Variants in ZFYVE27 observed in about 807,000 individuals in gnomAD.
The protein encoded by ZFYVE27 is protrudin.
A neutral mutation model predicts 52.8 loss-of-function variants in ZFYVE27; 36 were observed. The observed-to-expected ratio is 0.68, with a 90% CI of 0.52 to 0.90. ZFYVE27 has a LOEUF of 0.90. Among genes scored for constraint, ZFYVE27 ranks in the 40% least tolerant of loss-of-function variants. The probability of loss-of-function intolerance (pLI) is 0.00; values close to 1 mark genes in which losing one functional copy is unlikely to be tolerated. For missense variants in ZFYVE27, 450 were observed against 527.2 expected, an observed-to-expected ratio of 0.85 and a Z score of 1.43; for synonymous variants, 223 against 215.6, an observed-to-expected ratio of 1.03 and a Z score of -0.30.
Position 97,753,170 on chromosome 10 carries a change from A to G in ZFYVE27, c.1030A>G (p.Thr344Ala). Residue 344 changes from threonine to alanine, a missense_variant, in exon 10 of 13, where the codon ACC (threonine) becomes GCC (alanine). Coordinates refer to ENST00000684270, the MANE Select transcript of ZFYVE27 (RefSeq NM_001385875.1). ...LTERLRKRYP[T>A]NNFGNCTGCS... ...GGAGCGGCTCCGCAAGCGCTACCCC[A>G]CCAACAACTTCGGTGCGGCCAGGGG... 2 of 1,610,724 alleles carry G rather than the reference A, an allele frequency of 1.2e-6. No individual in the cohort carries two copies. The highest frequency in any genetic ancestry group is 1.7e-6 in the Non-Finnish European group (2 of 1,179,250).
At chr10:97,757,858 T>C in intron 12 of ZFYVE27, 135 bp downstream of exon 12, 1 of 778,732 alleles carries the variant, frequency 1.3e-6, no homozygotes, top group Non-Finnish European at 2.1e-6. Flanking sequence ...GTTTCCTCCA[T>C]CCCCTTTAGC....
intron 10 of ZFYVE27, chr10:97,754,945 C>T (rs2136307658): frequency 1.8e-6 from 1 of 548,638 alleles, no homozygotes; most frequent in East Asian, 1.5e-4. Flanking sequence ...AATGGTGGAG[C>T]TGTGACTCAA....
intron 11 of ZFYVE27, among the ~76,000 whole-genome samples, 153 bp from the exon 12 acceptor site, chr10:97,757,489 G>A (rs2048669668): frequency 6.6e-6 from 1 of 152,168 alleles, no homozygotes; most frequent in South Asian, 2.1e-4. Context: ...GCCTCCCCAG[G>A]GGGTATTCCA....
chr10:97,738,416 G>A, intron 1 of ZFYVE27, 61 bp from the exon 2 acceptor site: 1 of 1,581,094 alleles, frequency 6.3e-7, no homozygotes. Flanking sequence ...TGAATCTGTA[G>A]GTAGAATTGT....
At chr10:97,749,791 T>G (rs2136184989) in intron 6 of ZFYVE27, among the ~76,000 whole-genome samples, 1 of 152,342 alleles carries the variant, frequency 6.6e-6, no homozygotes, top group Admixed American at 6.5e-5. Flanking sequence ...CTGCTACCAT[T>G]GGGCTCCCAT....
At chr10:97,742,732 A>G (rs1239363350) in intron 2 of ZFYVE27, among the ~76,000 whole-genome samples, 1 of 152,234 alleles carries the variant, frequency 6.6e-6, no homozygotes, top group African/African-American at 2.4e-5. Flanking sequence ...AATTATAAAA[A>G]AAGAATAGAG....
rs562888541 is a variant in ZFYVE27 at position 97,737,930 on chromosome 10, C to T, written c.-1-547C>T. On this transcript the variant is annotated intron_variant, in intron 1 of 12. Transcript: ENST00000684270. ...CATTCAGCAGGCATTTGTTAAGCAC[C>T]CACTGTGTACAGAAGCAGTCGTGAA... 3.9e-5 allele frequency among the ~76,000 whole-genome samples: 6 copies of T among 152,302 alleles called. No individual in the cohort carries two copies. In the South Asian group the frequency reaches 1.2e-3, roughly 32 times the overall value.
rs768113258 is a variant in ZFYVE27, at chr10:97,757,719, C to A, written c.1167C>A (p.Ala389=). The A allele has an allele frequency of 1.4e-5, 22 of 1,614,082 alleles. No homozygotes were observed. The East Asian group carries it at 4.9e-4, about 36-fold the overall frequency. The change falls in exon 12 of 13, where the codon GCC becomes GCA. Residue 389 remains alanine (A), a synonymous_variant. Coordinates refer to ENST00000684270, the MANE Select transcript of ZFYVE27 (RefSeq NM_001385875.1). ...AGGTGCCCAAGTCCTCCATGGGGGC[C>A]ACAGGTGAGTGGTGCAGGTGGTGGG... ...SFKVPKSSMG[A]TAPEAQRETV... is the part of the protein sequence containing the mutation.
chr10:97,745,027 CA>C, intron 4 of ZFYVE27, 112 bp downstream of exon 4: 1 of 1,243,054 alleles, frequency 8.0e-7, no homozygotes, highest in African/African-American at 1.5e-5. Context: ...GCTGTTACTT[CA>C]TTTAACCTTT....
chr10:97,741,113 C>A (rs1013983384), intron 2 of ZFYVE27, among the ~76,000 whole-genome samples: 1 of 152,254 alleles, frequency 6.6e-6, no homozygotes, highest in South Asian at 2.1e-4. Flanking sequence ...CATTTCATTC[C>A]CTTACTCATA....
chr10:97,752,271 A>G (rs894434062), intron 8 of ZFYVE27, among the ~76,000 whole-genome samples: 1 of 152,258 alleles, frequency 6.6e-6, no homozygotes, highest in Non-Finnish European at 1.5e-5. Flanking sequence ...AAATTGAGAT[A>G]TAAGAAAAAC....
intron 10 of ZFYVE27, among the ~76,000 whole-genome samples, chr10:97,753,450 A>G (rs982759677): frequency 3.9e-5 from 6 of 152,120 alleles, no homozygotes; most frequent in Admixed American, 1.3e-4. Flanking sequence ...CAGTTTGGGA[A>G]ATGCCATCCC....
At chr10:97,757,537 G>T in intron 11 of ZFYVE27, 105 bp from the exon 12 acceptor site, 1 of 1,384,708 alleles carries the variant, frequency 7.2e-7, no homozygotes, top group Non-Finnish European at 1.0e-6. Flanking sequence ...CACCCCCCAG[G>T]CCCAGTTTCC....
chr10:97,743,437 T>C (rs552573125), intron 3 of ZFYVE27, among the ~76,000 whole-genome samples: 2 of 152,310 alleles, frequency 1.3e-5, no homozygotes, highest in Non-Finnish European at 2.9e-5. Flanking sequence ...TCCTAGAGTA[T>C]TTGTGAGGAA....
At position 97,751,447 on chromosome 10, in the gene ZFYVE27, T is replaced by C. The variant is rs371034247; in HGVS notation, c.861T>C (p.Phe287=). The change falls in exon 8 of 13, where the codon TTT becomes TTC. Residue 287 remains phenylalanine (F), a synonymous_variant. Coordinates refer to ENST00000684270, the MANE Select transcript of ZFYVE27 (RefSeq NM_001385875.1). The part of the protein sequence containing the change: ...EAEEAEPDEE[F]KDAIEETHLV... ...AGGAGGCTGAGCCAGATGAAGAGTT[T>C]AAAGATGCGATTGAGGTGGGTGGCC... 46 of 1,613,786 alleles carry C rather than the reference T, an allele frequency of 2.9e-5. No individual in the cohort carries two copies. Among genetic ancestry groups the C allele is most frequent in the Non-Finnish European group, 3.5e-5 (41 of 1,179,842 alleles).
chr10:97,754,404 C>T (rs1047553011), intron 10 of ZFYVE27, among the ~76,000 whole-genome samples: 2 of 151,170 alleles, frequency 1.3e-5, no homozygotes, highest in Non-Finnish European at 2.9e-5. Flanking sequence ...CCTCGACTTC[C>T]TGGGCTCAAG....
At chr10:97,751,320 G>A (rs2046933070) in intron 7 of ZFYVE27, 71 bp from the exon 8 acceptor site, 3 of 1,547,964 alleles carry the variant, frequency 1.9e-6, no homozygotes, top group South Asian at 1.1e-5. Flanking sequence ...GCTGGCTTGG[G>A]GAGGTGGTCC....
chr10:97,750,509 T>G lies in ZFYVE27; in HGVS notation c.804+39T>G, dbSNP rs372640692. 319 of 1,612,262 alleles carry G rather than the reference T, an allele frequency of 2.0e-4. 1 individual carries two copies. The highest frequency in any genetic ancestry group is 2.6e-4 in the Non-Finnish European group (311 of 1,179,858). On this transcript the variant is annotated intron_variant, in intron 7 of 12. Coordinates refer to ENST00000684270, the MANE Select transcript of ZFYVE27 (RefSeq NM_001385875.1). ...TCAGGGCAGAGCCTGCTGTGGCCGC[T>G]TGTGGGCCCCCCTGTTATCAGCTTG...
chr10:97,757,748 G>A, intron 12 of ZFYVE27, 25 bp downstream of exon 12: 2 of 1,612,676 alleles, frequency 1.2e-6, no homozygotes, highest in African/African-American at 1.3e-5. Flanking sequence ...TGGTGGGAGG[G>A]CTTGGTTGGT....
Sources: gnomAD v4.1 joint callset for allele counts (sites outside exome capture counted in the v4.1 genomes callset) on GRCh38, gnomAD v4.1.1 for gene constraint, MANE v1.5 for transcripts, NCBI Gene and HGNC (gene_info 2026-07-23, HGNC 2026-07-21) for gene names.